EFHC1: variants seen among roughly 807,000 people sequenced by gnomAD.
EFHC1 encodes the protein EF-hand domain containing 1.
Under a neutral mutation model 69.9 loss-of-function variants are expected in EFHC1, and 53 were observed. The observed-to-expected ratio is 0.76, with a 90% CI of 0.61 to 0.95. The LOEUF (loss-of-function observed/expected upper bound fraction) is 0.95, where lower values mean the gene tolerates loss of function less well. EFHC1 is among the 40% of genes least tolerant of loss of function. EFHC1 has a pLI of 0.00. For missense variants in EFHC1, 739 were observed against 798.7 expected, an observed-to-expected ratio of 0.93 and a Z score of 0.90; for synonymous variants, 256 against 278.4, an observed-to-expected ratio of 0.92 and a Z score of 0.80.
chr6:52,494,471 A>G lies in EFHC1; in HGVS notation c.*2130A>G, dbSNP rs763404213. On this transcript the variant is annotated 3_prime_UTR_variant, in exon 11 of 11. Transcript: ENST00000371068. ...AGGCTCTGGGAAAGGTTAAGCGGGT[A>G]GAAACCAGAGAAAAAGGGCAAAGTC... 33 of 454,032 alleles carry G rather than the reference A, an allele frequency of 7.3e-5. No individual in the cohort carries two copies. Among genetic ancestry groups the G allele is most frequent in the South Asian group, 5.0e-4 (32 of 64,484 alleles). The allele number at this position is 454,032 out of a possible 1,614,324, so 28.1% of individuals were successfully genotyped here.
Position 52,497,188 on chromosome 6 carries a change from C to G in EFHC1, c.*4847C>G, listed in dbSNP as rs1242338704. On this transcript the variant is annotated 3_prime_UTR_variant, in exon 11 of 11. Transcript: ENST00000371068. ...AAATAAAAATGATGCTTATTGCTAT[C>G]CAGCACTTGACATAACTGACTCTCC... is the stretch of plus-strand genomic sequence containing the variant. The G allele has an allele frequency of 6.6e-6, 1 of 152,182 alleles. No homozygotes were observed. The highest frequency in any genetic ancestry group is 1.5e-5 in the Non-Finnish European group (1 of 68,030). 9.4% of individuals were successfully genotyped at this position (152,182 alleles called of 1,614,324 possible). A position where few individuals can be genotyped will look rare whatever the true frequency, so the allele number is the denominator to read the frequency against.
At position 52,465,129 on chromosome 6, in the gene EFHC1, A is replaced by G; in HGVS notation, c.1137+14A>G. 1.2e-6 allele frequency: 2 copies of G among 1,610,154 alleles called. No homozygotes were observed. Among genetic ancestry groups the G allele is most frequent in the Non-Finnish European group, 1.7e-6 (2 of 1,177,986 alleles). On this transcript the variant is annotated intron_variant, in intron 6 of 10. Transcript: ENST00000371068. ...CCAGTAAAACAGGTAATCAGATAGT[A>G]CTTCTTAGTGTGGTGAGAAAACTAA...
intron 9 of EFHC1, chr6:52,486,617 G>A (rs1765792449): frequency 6.6e-6 from 1 of 151,982 alleles, no homozygotes; most frequent in Admixed American, 6.6e-5. Context: ...GAAGTAATTG[G>A]TTTCAAATAT....
chr6:52,420,468 T>C lies in EFHC1; in HGVS notation c.58T>C (p.Ser20Pro). ...TCTTCCGGGCACGTCCTTTAAGGAC[T>C]CTACGGTGAGCAGTTATCTGCCAGA... ...PFLPGTSFKD[S>P]TKTAFHRSQT... is the part of the protein sequence containing the mutation. The change falls in exon 1 of 11, where the codon TCT becomes CCT. Residue 20 changes from serine to proline, a missense_variant. Ser to Pro is a moderately conservative substitution (Grantham distance 74). Transcript: ENST00000371068. 6.2e-7 allele frequency: 1 copy of C among 1,614,230 alleles called. No individual in the cohort carries two copies. The highest frequency in any genetic ancestry group is 1.7e-5 in the Admixed American group (1 of 60,036).
chr6:52,437,452 G>A (rs1463464223), intron 2 of EFHC1: 1 of 152,202 alleles, frequency 6.6e-6, no homozygotes, highest in East Asian at 1.9e-4. Flanking sequence ...TTTCTGTAAA[G>A]GGCAGTTAGC....
intron 6 of EFHC1, 103 bp from the exon 7 acceptor site, chr6:52,469,229 CA>C: frequency 7.2e-7 from 1 of 1,392,558 alleles, no homozygotes; most frequent in Non-Finnish European, 1.0e-6. Context: ...AATATATTTG[CA>C]TAAGTATTTT....
Position 52,464,977 on chromosome 6 carries a change from GTCAC to G in EFHC1, c.1005_1008del (p.Thr336SerfsTer33), listed in dbSNP as rs1562457136. On this transcript the variant is annotated frameshift_variant, in exon 6 of 11. Transcript: ENST00000371068. LOFTEE classifies it high-confidence loss of function. ...CTGCTAAAGACTTCATTGTTGGGAA[GTCAC>G]TCACTATCCTTGGGAGAACTTTCTT... 1 of 1,614,154 alleles carries G rather than the reference GTCAC, an allele frequency of 6.2e-7. No homozygotes were observed. Among genetic ancestry groups the G allele is most frequent in the East Asian group, 2.2e-5 (1 of 44,870 alleles).
intron 2 of EFHC1, 46 bp downstream of exon 2, chr6:52,424,213 G>T: frequency 6.4e-7 from 1 of 1,569,830 alleles, no homozygotes; most frequent in Non-Finnish European, 8.7e-7. Context: ...GGGTCTGAGA[G>T]CCAACTGCTT....
At chr6:52,459,768 A>G (rs1027148697) in intron 5 of EFHC1, among the ~76,000 whole-genome samples, 11 of 152,150 alleles carry the variant, frequency 7.2e-5, no homozygotes, top group Admixed American at 1.3e-4. Flanking sequence ...TCCGCCTCCC[A>G]GGTTCACACC....
At chr6:52,421,116 TC>T (rs1307649647) in intron 1 of EFHC1, 50 of 888,444 alleles carry the variant, frequency 5.6e-5, no homozygotes, top group Non-Finnish European at 6.5e-5. Flanking sequence ...CATTCTTTTT[TC>T]TCCATCTTCT....
In EFHC1 at chr6:52,446,069, A is replaced by G. The variant is rs375280158; in HGVS notation, c.574-6619A>G. On this transcript the variant is annotated intron_variant, in intron 3 of 10. Coordinates refer to ENST00000371068, the MANE Select transcript of EFHC1 (RefSeq NM_018100.4). ...GGGGTGGAGAGTTCTGTAGATGTCTATTAGGTCTGCTTGGGGCAGAGCTGA... is the reference window on the plus strand; with the variant it reads ...GGGGTGGAGAGTTCTGTAGATGTCTGTTAGGTCTGCTTGGGGCAGAGCTGA... 3.8e-4 allele frequency among the ~76,000 whole-genome samples: 58 copies of G among 152,306 alleles called. No individual in the cohort carries two copies. In the South Asian group the frequency reaches 0.01, roughly 27 times the overall value.
intron 7 of EFHC1, among the ~76,000 whole-genome samples, chr6:52,475,318 A>G (rs932082619): frequency 3.3e-5 from 5 of 152,226 alleles, no homozygotes; most frequent in African/African-American, 1.2e-4. Context: ...AGAAAGGAGT[A>G]TGCTATAGAA....
intron 4 of EFHC1, 22 bp downstream of exon 4, chr6:52,452,859 A>G (rs752307724): frequency 1.6e-5 from 26 of 1,613,792 alleles, no homozygotes; most frequent in East Asian, 6.7e-5. Flanking sequence ...AGGAACCACA[A>G]TAGGCTTACT....
rs760025678 is a variant in EFHC1 at position 52,424,027 on chromosome 6, G to A, written c.145G>A (p.Gly49Arg). 2 of 1,614,144 alleles carry A rather than the reference G, an allele frequency of 1.2e-6. No individual in the cohort carries two copies. The highest frequency in any genetic ancestry group is 2.2e-5 in the South Asian group (2 of 91,082). Residue 49 changes from glycine to arginine, a missense_variant, in exon 2 of 11, where the codon GGA becomes AGA. Gly to Arg is a moderately radical substitution (Grantham distance 125). Transcript: ENST00000371068. ...IVRRPTVGIG[G>R]DRLQFNQLSQ... ...TCGACGTCCAACAGTTGGGATAGGC[G>A]GAGACCGGCTCCAGTTCAACCAGCT...
At chr6:52,450,918 C>G (rs1323079336) in intron 3 of EFHC1, among the ~76,000 whole-genome samples, 1 of 152,168 alleles carries the variant, frequency 6.6e-6, no homozygotes, top group African/African-American at 2.4e-5. Context: ...CCTGCCTCAG[C>G]CTCCCGAGTA....
intron 2 of EFHC1, among the ~76,000 whole-genome samples, chr6:52,434,858 C>A (rs928322464): frequency 1.3e-5 from 2 of 151,800 alleles, no homozygotes; most frequent in African/African-American, 2.4e-5. Context: ...TAATTCTTTT[C>A]GGTTAGCATA....
intron 9 of EFHC1, chr6:52,486,201 T>C (rs556137330): frequency 6.6e-6 from 1 of 152,332 alleles, no homozygotes; most frequent in African/African-American, 2.4e-5. Context: ...TCTAAGATGA[T>C]GAAATTTGGA....
At position 52,444,815 on chromosome 6, in the gene EFHC1, G is replaced by A. The variant is rs145018497; in HGVS notation, c.573+6224G>A. Among the ~76,000 whole-genome samples, 837 of 152,264 alleles carry A rather than the reference G, an allele frequency of 5.5e-3. 8 individuals are homozygous for A. Among genetic ancestry groups the A allele is most frequent in the African/African-American group, 0.019 (787 of 41,532 alleles). On this transcript the variant is annotated intron_variant, in intron 3 of 10. Coordinates refer to ENST00000371068, the MANE Select transcript of EFHC1 (RefSeq NM_018100.4). Reference sequence around the variant, plus strand: ...GATGTTGGCCTCATAAAATGAATTAGGGAGGATTCCCTCTTTTTCTATTGA... The same window carrying A: ...GATGTTGGCCTCATAAAATGAATTAAGGAGGATTCCCTCTTTTTCTATTGA...
At chr6:52,474,142 A>G (rs1765495910) in intron 7 of EFHC1, among the ~76,000 whole-genome samples, 3 of 152,170 alleles carry the variant, frequency 2.0e-5, no homozygotes, top group African/African-American at 2.4e-5. Context: ...ATGAGACCCT[A>G]TCGCTACAAA....
Sources: allele counts gnomAD v4.1 joint callset (sites outside exome capture counted in the v4.1 genomes callset), GRCh38; gene constraint gnomAD v4.1.1; transcripts MANE v1.5; gene names NCBI Gene and HGNC (gene_info 2026-07-23, HGNC 2026-07-21).